Variants in CDH18 observed in about 807,000 individuals in gnomAD.
The protein encoded by CDH18 is cadherin-18.
Under a neutral mutation model 67.9 loss-of-function variants are expected in CDH18, and 31 were observed. The ratio of observed to expected loss-of-function variants is 0.46; its 90% CI spans 0.34 to 0.62. The LOEUF is 0.62. CDH18 is among the 20% of genes least tolerant of loss of function. The pLI is 0.01. For missense variants in CDH18, 890 were observed against 975.5 expected, an observed-to-expected ratio of 0.91 and a Z score of 1.17; for synonymous variants, 362 against 347.2, an observed-to-expected ratio of 1.04 and a Z score of -0.48.
At position 19,744,538 on chromosome 5, in the gene CDH18, AC is replaced by A. The variant is rs1211382177; in HGVS notation, c.523+2403del. Among the ~76,000 whole-genome samples the A allele has an allele frequency of 5.9e-5, 9 of 151,338 alleles. No homozygotes were observed. In the South Asian group the frequency reaches 8.3e-4, roughly 14 times the overall value. On this transcript the variant is annotated intron_variant, in intron 4 of 12. Transcript: ENST00000382275. ...CACACACACACACACACACACACAC[AC>A]ATCTATTCCAGAGTTCACTGTTGAT...
chr5:20,164,662 A>G (rs1447087512), intron 2 of CDH18, among the ~76,000 whole-genome samples: 2 of 152,198 alleles, frequency 1.3e-5, no homozygotes, highest in Non-Finnish European at 2.9e-5. Flanking sequence ...CAAACTAGTT[A>G]AATATAAGTA....
At chr5:19,993,859 C>T (rs1218851549) in intron 2 of CDH18, among the ~76,000 whole-genome samples, 2 of 151,912 alleles carry the variant, frequency 1.3e-5, no homozygotes, top group Non-Finnish European at 2.9e-5. Context: ...TGAAGATATT[C>T]GGCTCATATA....
At chr5:20,556,811 T>C (rs1363652383) in intron 1 of CDH18, among the ~76,000 whole-genome samples, 1 of 152,198 alleles carries the variant, frequency 6.6e-6, no homozygotes, top group African/African-American at 2.4e-5. Context: ...TTTGTGTTTG[T>C]TTCTTCCTCT....
intron 2 of CDH18, among the ~76,000 whole-genome samples, chr5:20,181,012 A>G (rs75621086): frequency 1.3e-5 from 2 of 152,110 alleles, no homozygotes; most frequent in East Asian, 3.9e-4. Context: ...TTCATGGATC[A>G]CTGATCTTTG....
intron 1 of CDH18, among the ~76,000 whole-genome samples, chr5:20,430,428 C>T (rs1748649694): frequency 6.6e-6 from 1 of 152,058 alleles, no homozygotes; most frequent in Non-Finnish European, 1.5e-5. Context: ...TTCTATATCC[C>T]AGATTCTCAC....
intron 12 of CDH18, among the ~76,000 whole-genome samples, chr5:19,482,156 C>T (rs1189342540): frequency 2.5e-4 from 38 of 151,716 alleles, no homozygotes; most frequent in Non-Finnish European, 1.5e-5. Context: ...CACTTTGTTG[C>T]CCAGGCTGGA....
intron 5 of CDH18, among the ~76,000 whole-genome samples, chr5:19,616,881 A>G (rs569003720): frequency 1.2e-4 from 19 of 152,244 alleles, no homozygotes; most frequent in African/African-American, 4.1e-4. Flanking sequence ...ATGTCCTCAC[A>G]TGGGCTTTCT....
At chr5:20,300,723 T>C (rs12153263) in intron 1 of CDH18, among the ~76,000 whole-genome samples, 76,495 of 151,934 alleles carry the variant, frequency 0.5, 21,011 homozygotes, top group Middle Eastern at 0.68. Flanking sequence ...GCTTTTGAAC[T>C]GCTCCTTGCT....
intron 5 of CDH18, among the ~76,000 whole-genome samples, chr5:19,675,670 A>T (rs1759386575): frequency 6.6e-6 from 1 of 152,008 alleles, no homozygotes; most frequent in Admixed American, 6.6e-5. Flanking sequence ...TTGTTTAAAC[A>T]ATTTGTGCAT....
At chr5:20,289,898 C>T (rs1256416444) in intron 1 of CDH18, among the ~76,000 whole-genome samples, 1 of 151,984 alleles carries the variant, frequency 6.6e-6, no homozygotes, top group Non-Finnish European at 1.5e-5. Flanking sequence ...ATGTAGATAG[C>T]TGTGTCTGTT....
At chr5:19,537,236 A>G (rs1749560802) in intron 9 of CDH18, among the ~76,000 whole-genome samples, 1 of 152,088 alleles carries the variant, frequency 6.6e-6, no homozygotes, top group Non-Finnish European at 1.5e-5. Flanking sequence ...ACAGTTTTGC[A>G]TGAGTTTTTC....
At chr5:19,909,434 G>T (rs1293498381) in intron 2 of CDH18, among the ~76,000 whole-genome samples, 1 of 151,318 alleles carries the variant, frequency 6.6e-6, no homozygotes, top group East Asian at 2.0e-4. Context: ...CGAGTAGCTG[G>T]AATTACAGTC....
intron 9 of CDH18, among the ~76,000 whole-genome samples, chr5:19,532,767 T>A (rs990561419): frequency 7.2e-5 from 11 of 152,166 alleles, no homozygotes; most frequent in Non-Finnish European, 1.2e-4. Flanking sequence ...AGGAAATAGT[T>A]GACTTATAAA....
chr5:19,997,217 C>A (rs1451691415), intron 2 of CDH18, among the ~76,000 whole-genome samples: 6 of 151,948 alleles, frequency 3.9e-5, no homozygotes, highest in Non-Finnish European at 8.8e-5. Flanking sequence ...TTTTAAAAAG[C>A]AAGTATCTCT....
At chr5:19,495,184 G>A (rs1043270038) in intron 11 of CDH18, among the ~76,000 whole-genome samples, 2 of 152,040 alleles carry the variant, frequency 1.3e-5, no homozygotes, top group Non-Finnish European at 2.9e-5. Context: ...ACATGAGATG[G>A]GGTTCTAACC....
chr5:19,983,077 A>G (rs1799223926), intron 1 of CDH18, among the ~76,000 whole-genome samples: 2 of 151,718 alleles, frequency 1.3e-5, no homozygotes, highest in Non-Finnish European at 2.9e-5. Context: ...TAATGGAGAA[A>G]TATCTGTAAC....
intron 2 of CDH18, among the ~76,000 whole-genome samples, chr5:19,953,143 T>C (rs983196857): frequency 2.0e-5 from 3 of 152,208 alleles, no homozygotes; most frequent in East Asian, 1.9e-4. Flanking sequence ...ACAGAGCACA[T>C]TGAAACAACA....
intron 1 of CDH18, among the ~76,000 whole-genome samples, chr5:20,528,515 C>T (rs1756204767): frequency 6.6e-6 from 1 of 152,024 alleles, no homozygotes; most frequent in South Asian, 2.1e-4. Flanking sequence ...TAAAACACTA[C>T]TCAGCAAATG....
intron 1 of CDH18, among the ~76,000 whole-genome samples, chr5:19,985,272 T>C (rs1370297422): frequency 6.6e-6 from 1 of 152,128 alleles, no homozygotes; most frequent in East Asian, 1.9e-4. Context: ...GGGATTTATC[T>C]GTAGAGCATC....
Sources: gnomAD v4.1 joint callset for allele counts (sites outside exome capture counted in the v4.1 genomes callset) on GRCh38, gnomAD v4.1.1 for gene constraint, MANE v1.5 for transcripts, NCBI Gene and HGNC (gene_info 2026-07-23, HGNC 2026-07-21) for gene names.